DCDC1: variants seen among roughly 807,000 people sequenced by gnomAD.
DCDC1 encodes doublecortin domain containing 1, also known as doublecortin domain-containing protein 1.
A neutral mutation model predicts 178.3 loss-of-function variants in DCDC1; 200 were observed. That is an observed-to-expected ratio of 1.12 (90% CI 1.00 to 1.26). DCDC1 has a LOEUF of 1.26. Ranked by LOEUF, DCDC1 falls within the 50% of genes most tolerant of loss-of-function variation. DCDC1 has a pLI of 0.00. For synonymous variants in DCDC1, 690 were observed against 604.8 expected (o/e 1.14, Z -2.07); for missense variants, 1,983 against 1,749.2 (o/e 1.13, Z -2.38).
intron 6 of DCDC1, among the ~76,000 whole-genome samples, chr11:31,304,674 C>T (rs930290931): frequency 6.6e-6 from 1 of 152,034 alleles, no homozygotes; most frequent in Non-Finnish European, 1.5e-5. Context: ...TAATGAACTC[C>T]AGAATTACTT....
chr11:30,882,294 G>T (rs1050506104), intron 36 of DCDC1: 1 of 152,164 alleles, frequency 6.6e-6, no homozygotes, highest in Non-Finnish European at 1.5e-5. Flanking sequence ...TTCAAAAAGC[G>T]CAGCTTTTCA....
chr11:30,930,974 C>T (rs181920341), intron 22 of DCDC1, among the ~76,000 whole-genome samples: 29 of 152,060 alleles, frequency 1.9e-4, no homozygotes, highest in African/African-American at 6.3e-4. Context: ...CATTGTTCAG[C>T]GATGTATGAA....
Position 30,916,863 on chromosome 11 carries a change from T to C in DCDC1, c.3452+7A>G, listed in dbSNP as rs1449042150. 2 of 1,594,740 alleles carry C rather than the reference T, an allele frequency of 1.3e-6. No individual in the cohort carries two copies. The highest frequency in any genetic ancestry group is 2.3e-5 in the South Asian group (2 of 85,876). Reference sequence around the variant, plus strand: ...ATCTTTAAGAGGAATCCTTTGCAACTTTTTACCTGTGTTTCTTCTGTGGTT... The same window carrying C: ...ATCTTTAAGAGGAATCCTTTGCAACCTTTTACCTGTGTTTCTTCTGTGGTT... On this transcript the variant is annotated splice_region_variant and intron_variant, in intron 26 of 38. Coordinates refer to ENST00000684477, the MANE Select transcript of DCDC1 (RefSeq NM_001387274.1).
At chr11:30,937,171 G>A (rs1947328562) in intron 21 of DCDC1, among the ~76,000 whole-genome samples, 2 of 151,932 alleles carry the variant, frequency 1.3e-5, no homozygotes, top group African/African-American at 2.4e-5. Flanking sequence ...AATTTGTTGT[G>A]GTTCCATTTA....
At position 30,931,753 on chromosome 11, in the gene DCDC1, T is replaced by A. The variant is rs771218137; in HGVS notation, c.2897+18A>T. The A allele has an allele frequency of 1.6e-5, 26 of 1,600,834 alleles. No homozygotes were observed. In the South Asian group the frequency reaches 2.9e-4, roughly 18 times the overall value. On this transcript the variant is annotated intron_variant, in intron 22 of 38. Coordinates refer to ENST00000684477, the MANE Select transcript of DCDC1 (RefSeq NM_001387274.1). Reference sequence around the variant, plus strand: ...AACTAGAAAGTGTATTTAATAAGTATGAACAAGTTGTTCTTACTGCGTTTT... The same window carrying A: ...AACTAGAAAGTGTATTTAATAAGTAAGAACAAGTTGTTCTTACTGCGTTTT...
intron 1 of DCDC1, among the ~76,000 whole-genome samples, chr11:31,345,007 T>C (rs1277680870): frequency 6.6e-6 from 1 of 152,218 alleles, no homozygotes; most frequent in African/African-American, 2.4e-5. Context: ...TATTTTTTCA[T>C]AAATTTTCTT....
At chr11:31,363,886 A>AT (rs1951827195) in intron 1 of DCDC1, among the ~76,000 whole-genome samples, 1 of 152,184 alleles carries the variant, frequency 6.6e-6, no homozygotes, top group Non-Finnish European at 1.5e-5. Context: ...TTGATTAACA[A>AT]TTTTTTGACT....
intron 8 of DCDC1, among the ~76,000 whole-genome samples, chr11:31,242,887 C>T (rs1472286038): frequency 6.6e-6 from 1 of 151,822 alleles, no homozygotes; most frequent in African/African-American, 2.4e-5. Context: ...CTGTCTAATA[C>T]GTTCAACACT....
intron 38 of DCDC1, among the ~76,000 whole-genome samples, chr11:30,873,838 C>A (rs1174407487): frequency 6.6e-6 from 1 of 152,120 alleles, no homozygotes; most frequent in Non-Finnish European, 1.5e-5. Flanking sequence ...GATATATGTA[C>A]CACAGCACTG....
chr11:30,926,976 T>C (rs1946628016), intron 22 of DCDC1, among the ~76,000 whole-genome samples: 1 of 151,968 alleles, frequency 6.6e-6, no homozygotes, highest in South Asian at 2.1e-4. Flanking sequence ...CAGCTACAGC[T>C]CCACAGCAGT....
rs397751297 is a variant in DCDC1, at chr11:30,864,759, T to TC, written c.*613dup. The TC allele has an allele frequency of 2.6e-5, 4 of 151,784 alleles. No homozygotes were observed. Among genetic ancestry groups the TC allele is most frequent in the South Asian group, 4.2e-4 (2 of 4,804 alleles). 9.4% of individuals were successfully genotyped at this position (151,784 alleles called of 1,614,324 possible). A position where few individuals can be genotyped will look rare whatever the true frequency, so the allele number is the denominator to read the frequency against. On this transcript the variant is annotated 3_prime_UTR_variant, in exon 39 of 39. Transcript: ENST00000684477. ...CAGTCAGTGTATATGCTTTTTTTTTTCCAATAAGCCACACGATAAACTGGA... is the reference window on the plus strand; with the variant it reads ...CAGTCAGTGTATATGCTTTTTTTTTTCCCAATAAGCCACACGATAAACTGGA...
intron 11 of DCDC1, 49 bp from the exon 12 acceptor site, chr11:31,110,410 C>T (rs552209299): frequency 4.4e-6 from 3 of 679,822 alleles, no homozygotes; most frequent in African/African-American, 3.5e-5. Flanking sequence ...TGCACACATA[C>T]ATACATATAT....
chr11:30,886,567 G>C (rs79323432), intron 36 of DCDC1, among the ~76,000 whole-genome samples: 1,634 of 152,210 alleles, frequency 0.011, 30 homozygotes, highest in African/African-American at 0.038. Flanking sequence ...ATATGGCAGA[G>C]AGAAAGAGGT....
At chr11:31,279,237 T>A (rs1263809463) in intron 7 of DCDC1, among the ~76,000 whole-genome samples, 1 of 152,100 alleles carries the variant, frequency 6.6e-6, no homozygotes, top group East Asian at 1.9e-4. Flanking sequence ...ACATTTCATT[T>A]TCTTTTTTTT....
intron 1 of DCDC1, among the ~76,000 whole-genome samples, chr11:31,352,524 C>T (rs1264974617): frequency 6.6e-6 from 1 of 152,136 alleles, no homozygotes; most frequent in South Asian, 2.1e-4. Flanking sequence ...AACACAACAA[C>T]TTCATAATTC....
chr11:31,253,714 G>A (rs1259176449), intron 8 of DCDC1, among the ~76,000 whole-genome samples: 1 of 152,198 alleles, frequency 6.6e-6, no homozygotes, highest in Non-Finnish European at 1.5e-5. Context: ...CAAAAATTGA[G>A]AAATAGTATG....
At chr11:31,064,711 C>G in intron 19 of DCDC1, 85 bp from the exon 20 acceptor site, 2 of 699,476 alleles carry the variant, frequency 2.9e-6, no homozygotes, top group Non-Finnish European at 5.2e-6. Context: ...TATAACACTG[C>G]AGTTTTCATG....
chr11:30,955,010 T>G (rs1948685502), intron 20 of DCDC1, among the ~76,000 whole-genome samples: 1 of 152,330 alleles, frequency 6.6e-6, no homozygotes, highest in East Asian at 1.9e-4. Context: ...TATTGGAATA[T>G]TAGCGAACAA....
At chr11:30,953,333 A>C (rs1948546941) in intron 20 of DCDC1, among the ~76,000 whole-genome samples, 1 of 149,528 alleles carries the variant, frequency 6.7e-6, no homozygotes, top group Non-Finnish European at 1.5e-5. Context: ...ATTATAAGTA[A>C]ACACACATTT....
Sources: allele counts gnomAD v4.1 joint callset (sites outside exome capture counted in the v4.1 genomes callset), GRCh38; gene constraint gnomAD v4.1.1; transcripts MANE v1.5; gene names NCBI Gene and HGNC (gene_info 2026-07-23, HGNC 2026-07-21).